ARHGAP40: variants seen among roughly 807,000 people sequenced by gnomAD.
The protein encoded by ARHGAP40 is Rho GTPase activating protein 40.
ARHGAP40 carries 43 observed loss-of-function variants against 73.5 expected under a neutral mutation model. That is an observed-to-expected ratio of 0.58 (90% CI 0.46 to 0.75). The LOEUF (loss-of-function observed/expected upper bound fraction) is 0.75. Among genes scored for constraint, ARHGAP40 ranks in the 30% least tolerant of loss-of-function variants. The pLI, the probability that ARHGAP40 is intolerant of heterozygous loss-of-function variation, is 0.00. For missense variants in ARHGAP40, 734 were observed against 861.8 expected (o/e 0.85, Z 1.86); for synonymous variants, 300 against 352.8 (o/e 0.85, Z 1.68).
At chr20:38,628,449 C>T (rs943883956) in intron 3 of ARHGAP40, among the ~76,000 whole-genome samples, 2 of 152,058 alleles carry the variant, frequency 1.3e-5, no homozygotes, top group East Asian at 1.9e-4. Flanking sequence ...GGACTACAGG[C>T]GCCCGCCACC....
At chr20:38,638,976 C>A in intron 8 of ARHGAP40, 138 bp downstream of exon 8, 1 of 879,310 alleles carries the variant, frequency 1.1e-6, no homozygotes, top group Non-Finnish European at 1.6e-6. Context: ...GTTTGAGAGG[C>A]TGAAGGTGGC....
chr20:38,640,098 T>TTCC (rs752372290), intron 9 of ARHGAP40, among the ~76,000 whole-genome samples: 14 of 136,642 alleles, frequency 1.0e-4, no homozygotes, highest in African/African-American at 2.8e-4. Context: ...GTTCTTCTTC[T>TTCC]TCTTCCTCCT....
intron 11 of ARHGAP40, among the ~76,000 whole-genome samples, chr20:38,645,597 T>C (rs1241899859): frequency 1.3e-5 from 2 of 152,210 alleles, no homozygotes; most frequent in Non-Finnish European, 2.9e-5. Context: ...GTCTGGGTTC[T>C]CTGACTCTGC....
chr20:38,608,909 C>T (rs1287281260), intron 1 of ARHGAP40, among the ~76,000 whole-genome samples: 1 of 152,198 alleles, frequency 6.6e-6, no homozygotes, highest in South Asian at 2.1e-4. Context: ...TTGCGGTCCA[C>T]CTGCATCTGC....
intron 5 of ARHGAP40, among the ~76,000 whole-genome samples, chr20:38,633,452 C>T (rs539969139): frequency 6.6e-6 from 1 of 152,304 alleles, no homozygotes; most frequent in East Asian, 1.9e-4. Context: ...ATGTGTCGGG[C>T]ACCATGTTTC....
At chr20:38,602,801 T>C (rs1480065829) in intron 1 of ARHGAP40, among the ~76,000 whole-genome samples, 2 of 152,234 alleles carry the variant, frequency 1.3e-5, no homozygotes, top group South Asian at 4.1e-4. Flanking sequence ...CCTCAATTAA[T>C]GTTATGGACA....
intron 6 of ARHGAP40, among the ~76,000 whole-genome samples, chr20:38,637,276 G>A (rs983289523): frequency 4.6e-5 from 7 of 152,002 alleles, no homozygotes; most frequent in Non-Finnish European, 8.8e-5. Flanking sequence ...CTCCCGAGTA[G>A]CTGGGGTTAC....
chr20:38,634,716 C>G (rs1209841589), exon 6 of ARHGAP40: 1 of 1,305,274 alleles, frequency 7.7e-7, no homozygotes, highest in South Asian at 1.2e-5. Flanking sequence ...CCTCATAGAG[C>G]TGACCGCGCT....
At chr20:38,622,531 T>C (rs2088878770) in intron 1 of ARHGAP40, among the ~76,000 whole-genome samples, 1 of 152,164 alleles carries the variant, frequency 6.6e-6, no homozygotes, top group Non-Finnish European at 1.5e-5. Flanking sequence ...GATTCTTTGA[T>C]TGCATGAAGC....
chr20:38,619,019 C>G (rs1204114847), intron 1 of ARHGAP40, among the ~76,000 whole-genome samples: 1 of 152,022 alleles, frequency 6.6e-6, no homozygotes, highest in African/African-American at 2.4e-5. Context: ...AATAGAGAAG[C>G]CAAGAAAGAA....
At chr20:38,602,470 T>A (rs116351315) in intron 1 of ARHGAP40, among the ~76,000 whole-genome samples, 2,750 of 152,282 alleles carry the variant, frequency 0.018, 86 homozygotes, top group African/African-American at 0.062. Context: ...TCTGGGTCAG[T>A]GTGGCCGTGT....
At chr20:38,638,501 A>C (rs973397566) in intron 7 of ARHGAP40, among the ~76,000 whole-genome samples, 3 of 152,120 alleles carry the variant, frequency 2.0e-5, no homozygotes, top group Admixed American at 1.3e-4. Context: ...TTGAACTTTC[A>C]TTAGCCTCCC....
chr20:38,624,116 C>T (rs1011328998), intron 2 of ARHGAP40, among the ~76,000 whole-genome samples: 1 of 152,168 alleles, frequency 6.6e-6, no homozygotes, highest in Admixed American at 6.5e-5. Context: ...GTGGTTCTTG[C>T]TCAGGGCCTC....
chr20:38,601,917 G>A (rs115461270), exon 1 of ARHGAP40: 1 of 1,287,302 alleles, frequency 7.8e-7, no homozygotes, highest in Admixed American at 2.3e-5. Context: ...CACCACGACC[G>A]ACCGGGATCC....
chr20:38,617,354 G>T (rs1353487851), intron 1 of ARHGAP40, among the ~76,000 whole-genome samples: 1 of 152,200 alleles, frequency 6.6e-6, no homozygotes, highest in Non-Finnish European at 1.5e-5. Context: ...AAAGGCCTTT[G>T]CTCCACTGTC....
chr20:38,606,811 A>G (rs113315051), intron 1 of ARHGAP40, among the ~76,000 whole-genome samples: 5 of 152,160 alleles, frequency 3.3e-5, no homozygotes, highest in Non-Finnish European at 4.4e-5. Context: ...ATGTCAACTG[A>G]TCTCTCCAGA....
intron 1 of ARHGAP40, among the ~76,000 whole-genome samples, chr20:38,621,811 T>C (rs989510844): frequency 1.3e-5 from 2 of 152,184 alleles, no homozygotes; most frequent in African/African-American, 4.8e-5. Context: ...CCCAGTACTT[T>C]AGGAGGCCAA....
At chr20:38,629,558 G>T in exon 5 of ARHGAP40, 1 of 1,305,414 alleles carries the variant, frequency 7.7e-7, no homozygotes, top group Non-Finnish European at 1.0e-6. Context: ...CTTCAACATG[G>T]ACTCTGCCTA....
chr20:38,629,578 A>G, exon 5 of ARHGAP40: 1 of 1,305,432 alleles, frequency 7.7e-7, no homozygotes, highest in South Asian at 1.2e-5. Context: ...ACTCAGAACA[A>G]GCTGCGGTGC....
Sources: allele counts gnomAD v4.1 joint callset (sites outside exome capture counted in the v4.1 genomes callset), GRCh38; gene constraint gnomAD v4.1.1; transcripts MANE v1.5; gene names NCBI Gene and HGNC (gene_info 2026-07-23, HGNC 2026-07-21).